Variants in MAGI1 observed in about 807,000 individuals in gnomAD.
MAGI1 encodes membrane associated guanylate kinase, WW and PDZ domain containing 1, also known as membrane-associated guanylate kinase, WW and PDZ domain-containing protein 1.
A neutral mutation model predicts 139.9 loss-of-function variants in MAGI1; 58 were observed. The observed-to-expected ratio is 0.41, with a 90% CI of 0.34 to 0.52. The LOEUF (loss-of-function observed/expected upper bound fraction) is 0.52, where lower values mean the gene tolerates loss of function less well. Among genes scored for constraint, MAGI1 ranks in the 20% least tolerant of loss-of-function variants. The probability of loss-of-function intolerance (pLI) is 0.12; values close to 1 mark genes in which losing one functional copy is unlikely to be tolerated. For synonymous variants in MAGI1, 812 were observed against 737.9 expected (o/e 1.10, Z -1.63); for missense variants, 1,874 against 1,901.6 (o/e 0.99, Z 0.27).
chr3:65,769,708 G>A (rs1031652019), intron 1 of MAGI1, among the ~76,000 whole-genome samples: 3 of 152,148 alleles, frequency 2.0e-5, no homozygotes, highest in East Asian at 3.9e-4. Flanking sequence ...TTGATAACAC[G>A]TGTCTCTGGA....
intron 1 of MAGI1, among the ~76,000 whole-genome samples, chr3:65,779,161 C>T (rs975040017): frequency 1.7e-4 from 26 of 152,196 alleles, no homozygotes; most frequent in African/African-American, 6.0e-4. Context: ...CAGGAATAAC[C>T]ACTTAGCCTC....
intron 2 of MAGI1, among the ~76,000 whole-genome samples, chr3:65,607,842 C>G (rs2082830006): frequency 1.3e-5 from 2 of 152,254 alleles, no homozygotes; most frequent in East Asian, 1.9e-4. Flanking sequence ...CGGCCACTGT[C>G]TTTCCTTTTG....
chr3:65,754,597 G>A (rs928761449), intron 1 of MAGI1, among the ~76,000 whole-genome samples: 1 of 151,942 alleles, frequency 6.6e-6, no homozygotes. Flanking sequence ...ATGTCTTAAG[G>A]AAAATAGTTT....
chr3:65,878,141 C>T (rs957274544), intron 1 of MAGI1, among the ~76,000 whole-genome samples: 1 of 151,816 alleles, frequency 6.6e-6, no homozygotes, highest in East Asian at 1.9e-4. Flanking sequence ...CACAGGAACA[C>T]GGACATCACA....
intron 1 of MAGI1, among the ~76,000 whole-genome samples, chr3:65,709,160 A>C (rs1287155030): frequency 1.3e-5 from 2 of 152,226 alleles, no homozygotes; most frequent in Non-Finnish European, 2.9e-5. Flanking sequence ...TTGGTGACAG[A>C]AATGTGCTCA....
intron 1 of MAGI1, among the ~76,000 whole-genome samples, chr3:65,940,293 A>T (rs939770127): frequency 2.0e-5 from 3 of 152,222 alleles, no homozygotes; most frequent in Non-Finnish European, 2.9e-5. Context: ...TAGTCCGTTC[A>T]TGTTGCTATA....
chr3:65,661,294 T>G (rs1255559972), intron 1 of MAGI1, among the ~76,000 whole-genome samples: 1 of 152,102 alleles, frequency 6.6e-6, no homozygotes, highest in Non-Finnish European at 1.5e-5. Flanking sequence ...ACAGAATGAG[T>G]GATTTCCTGT....
chr3:65,961,046 G>A (rs1302670333), intron 1 of MAGI1, among the ~76,000 whole-genome samples: 1 of 152,176 alleles, frequency 6.6e-6, no homozygotes, highest in Non-Finnish European at 1.5e-5. Context: ...TGAGAAATAA[G>A]AAAACTTGCT....
chr3:65,359,350 A>G, intron 22 of MAGI1: 3 of 1,370,362 alleles, frequency 2.2e-6, no homozygotes, highest in Non-Finnish European at 1.9e-6. Context: ...AGAGACCGCA[A>G]TCGGAACAGT....
At chr3:65,372,197 A>C (rs1305522178) in intron 18 of MAGI1, among the ~76,000 whole-genome samples, 1 of 152,232 alleles carries the variant, frequency 6.6e-6, no homozygotes, top group East Asian at 1.9e-4. Context: ...AGTCAAAATG[A>C]CTTCTTGATC....
chr3:65,442,882 A>G, intron 7 of MAGI1, 33 bp from the exon 8 acceptor site: 1 of 1,576,678 alleles, frequency 6.3e-7, no homozygotes, highest in Non-Finnish European at 8.7e-7. Flanking sequence ...GGGCAAGAAG[A>G]GCATATTCTT....
intron 1 of MAGI1, among the ~76,000 whole-genome samples, chr3:65,711,356 G>A (rs1451662167): frequency 6.6e-6 from 1 of 152,054 alleles, no homozygotes; most frequent in East Asian, 1.9e-4. Flanking sequence ...ATTTTACTTT[G>A]GAACCACATA....
chr3:65,488,128 G>T (rs1951744357), intron 3 of MAGI1, among the ~76,000 whole-genome samples: 1 of 151,930 alleles, frequency 6.6e-6, no homozygotes, highest in Non-Finnish European at 1.5e-5. Flanking sequence ...TCCTCTCTTG[G>T]TTCATCATCA....
intron 12 of MAGI1, among the ~76,000 whole-genome samples, chr3:65,404,429 G>A (rs544871727): frequency 8.5e-4 from 129 of 152,148 alleles, no homozygotes; most frequent in African/African-American, 2.4e-3. Flanking sequence ...GTTTAAAGAG[G>A]CATTTGTTCC....
chr3:65,882,323 A>G (rs1216417144), intron 1 of MAGI1, among the ~76,000 whole-genome samples: 1 of 152,214 alleles, frequency 6.6e-6, no homozygotes, highest in African/African-American at 2.4e-5. Flanking sequence ...AGCTGAAGAA[A>G]TCGCCTTAGG....
intron 1 of MAGI1, among the ~76,000 whole-genome samples, chr3:65,987,061 G>A (rs1387243500): frequency 3.9e-5 from 6 of 152,064 alleles, no homozygotes; most frequent in East Asian, 1.9e-4. Flanking sequence ...TAGTAGAGAC[G>A]GGGTTTTGCC....
intron 1 of MAGI1, among the ~76,000 whole-genome samples, chr3:66,002,390 G>C (rs1371115476): frequency 6.6e-6 from 1 of 152,026 alleles, no homozygotes; most frequent in Non-Finnish European, 1.5e-5. Flanking sequence ...TATTTGTAAG[G>C]ATCTAGCTCT....
At chr3:65,531,984 A>G (rs2078734973) in intron 2 of MAGI1, among the ~76,000 whole-genome samples, 1 of 152,024 alleles carries the variant, frequency 6.6e-6, no homozygotes, top group African/African-American at 2.4e-5. Context: ...AAACCTGACC[A>G]CTTCTCACTC....
intron 1 of MAGI1, among the ~76,000 whole-genome samples, chr3:65,886,405 T>C (rs1246794588): frequency 6.6e-6 from 1 of 152,160 alleles, no homozygotes; most frequent in Non-Finnish European, 1.5e-5. Context: ...TTTAAAAAAA[T>C]AATAAAGGCA....
Sources: gnomAD v4.1 joint callset for allele counts (sites outside exome capture counted in the v4.1 genomes callset) on GRCh38, gnomAD v4.1.1 for gene constraint, MANE v1.5 for transcripts, NCBI Gene and HGNC (gene_info 2026-07-23, HGNC 2026-07-21) for gene names.